Variants in DOCK4 observed in about 807,000 individuals in gnomAD.
The protein encoded by DOCK4 is dedicator of cytokinesis 4.
A neutral mutation model predicts 268.1 loss-of-function variants in DOCK4; 97 were observed. The observed-to-expected ratio is 0.36, with a 90% CI of 0.31 to 0.43. DOCK4 has a LOEUF of 0.43. DOCK4 is among the 20% of genes least tolerant of loss of function. The pLI, the probability that DOCK4 is intolerant of heterozygous loss-of-function variation, is 1.00. For synonymous variants in DOCK4, 954 were observed against 887.2 expected (o/e 1.08, Z -1.34); for missense variants, 2,145 against 2,455.7 (o/e 0.87, Z 2.67).
intron 1 of DOCK4, among the ~76,000 whole-genome samples, chr7:112,114,674 T>C (rs963081646): frequency 1.3e-5 from 2 of 152,218 alleles, no homozygotes; most frequent in African/African-American, 2.4e-5. Context: ...ATTAAAAAGA[T>C]GTGAACCCGA....
intron 8 of DOCK4, among the ~76,000 whole-genome samples, chr7:111,976,274 T>TATAC (rs1241625100): frequency 0.013 from 32 of 2,444 alleles, no homozygotes; most frequent in Non-Finnish European, 0.031. Flanking sequence ...GTCTATTATA[T>TATAC]ATATATATAT....
chr7:111,820,661 T>C (rs531763255), intron 27 of DOCK4: 5 of 152,334 alleles, frequency 3.3e-5, no homozygotes, highest in Middle Eastern at 3.4e-3. Flanking sequence ...GTTACAATTT[T>C]AGGCAAGCTT....
chr7:111,848,004 T>C (rs1221690997), intron 23 of DOCK4, among the ~76,000 whole-genome samples: 1 of 152,220 alleles, frequency 6.6e-6, no homozygotes, highest in Non-Finnish European at 1.5e-5. Context: ...TTTGGGAAAT[T>C]ATCCCTGGTA....
intron 36 of DOCK4, among the ~76,000 whole-genome samples, chr7:111,770,602 A>G (rs1002828808): frequency 6.6e-6 from 1 of 152,324 alleles, no homozygotes; most frequent in Middle Eastern, 3.4e-3. Flanking sequence ...ATATAGCCCA[A>G]TAGATCAAGA....
At chr7:111,873,727 A>G (rs1480205673) in intron 17 of DOCK4, among the ~76,000 whole-genome samples, 1 of 152,138 alleles carries the variant, frequency 6.6e-6, no homozygotes, top group Non-Finnish European at 1.5e-5. Flanking sequence ...GGAGAAAGAG[A>G]AGCAAGCTCC....
At chr7:111,936,531 C>CGGAT (rs1052443672) in intron 11 of DOCK4, among the ~76,000 whole-genome samples, 6 of 137,142 alleles carry the variant, frequency 4.4e-5, no homozygotes, top group Non-Finnish European at 7.8e-5. Flanking sequence ...GATGGATGGA[C>CGGAT]GGATGGATGG....
chr7:112,165,412 G>A (rs974753180), intron 1 of DOCK4, among the ~76,000 whole-genome samples: 1 of 151,894 alleles, frequency 6.6e-6, no homozygotes, highest in Non-Finnish European at 1.5e-5. Flanking sequence ...GAGAACATGC[G>A]GAATCTGTCT....
intron 27 of DOCK4, among the ~76,000 whole-genome samples, chr7:111,816,547 A>G (rs750730611): frequency 6.6e-6 from 1 of 152,218 alleles, no homozygotes; most frequent in Non-Finnish European, 1.5e-5. Flanking sequence ...AGGCCCAACC[A>G]GGTGATTCTG....
chr7:111,882,828 C>T (rs1197192080), intron 16 of DOCK4, among the ~76,000 whole-genome samples: 2 of 152,078 alleles, frequency 1.3e-5, no homozygotes, highest in African/African-American at 2.4e-5. Flanking sequence ...AGGCTGGTCT[C>T]GAACTCCTGA....
chr7:112,043,624 C>T (rs1804589537), intron 1 of DOCK4, among the ~76,000 whole-genome samples: 1 of 151,872 alleles, frequency 6.6e-6, no homozygotes, highest in Admixed American at 6.6e-5. Flanking sequence ...CACACTGTTC[C>T]AATAGAGCAG....
chr7:111,969,366 C>T (rs1194751735), intron 8 of DOCK4, among the ~76,000 whole-genome samples: 1 of 149,554 alleles, frequency 6.7e-6, no homozygotes, highest in Non-Finnish European at 1.5e-5. Context: ...TTCTGTGATT[C>T]CAGTTGCCAC....
At chr7:111,790,664 T>G in intron 30 of DOCK4, 59 bp from the exon 31 acceptor site, 3 of 1,462,970 alleles carry the variant, frequency 2.1e-6, no homozygotes, top group Non-Finnish European at 2.7e-6. Flanking sequence ...ATTTCAGAAA[T>G]TAATATCATA....
At chr7:112,181,821 G>A (rs1819073178) in intron 1 of DOCK4, among the ~76,000 whole-genome samples, 1 of 152,024 alleles carries the variant, frequency 6.6e-6, no homozygotes, top group Admixed American at 6.6e-5. Flanking sequence ...CAGAATAAAG[G>A]AAAATCGTTT....
intron 1 of DOCK4, among the ~76,000 whole-genome samples, chr7:112,127,752 TG>T (rs1304313926): frequency 1.3e-5 from 2 of 152,130 alleles, no homozygotes; most frequent in Non-Finnish European, 2.9e-5. Context: ...TAAGCTTGGC[TG>T]GGTGCGGCGG....
intron 11 of DOCK4, among the ~76,000 whole-genome samples, chr7:111,938,748 C>T (rs1794945275): frequency 6.6e-6 from 1 of 152,102 alleles, no homozygotes; most frequent in Admixed American, 6.5e-5. Flanking sequence ...AGCGTCTTTA[C>T]AGAGATAATC....
chr7:112,108,428 G>T (rs1262080760), intron 1 of DOCK4, among the ~76,000 whole-genome samples: 1 of 152,122 alleles, frequency 6.6e-6, no homozygotes, highest in African/African-American at 2.4e-5. Context: ...AAGCCAAGGA[G>T]ACACTCACTC....
chr7:112,070,550 C>T (rs1263701187), intron 1 of DOCK4, among the ~76,000 whole-genome samples: 1 of 151,912 alleles, frequency 6.6e-6, no homozygotes, highest in Non-Finnish European at 1.5e-5. Context: ...AACAAGCTGA[C>T]AGTATTTAAG....
chr7:111,788,760 C>T lies in DOCK4; in HGVS notation c.3316-13G>A, dbSNP rs1449679058. Reference sequence around the variant, plus strand: ...GCTTGGCTTCCACCTGAAACATACCCAACTATTATTCTCTTTCCTCCCCTT... The same window carrying T: ...GCTTGGCTTCCACCTGAAACATACCTAACTATTATTCTCTTTCCTCCCCTT... On this transcript the variant is annotated splice_polypyrimidine_tract_variant and intron_variant, in intron 31 of 52. Coordinates refer to ENST00000428084, the MANE Select transcript of DOCK4 (RefSeq NM_001363540.2). The T allele has an allele frequency of 6.4e-6, 10 of 1,571,610 alleles. No individual in the cohort carries two copies. Among genetic ancestry groups the T allele is most frequent in the Non-Finnish European group, 6.9e-6 (8 of 1,154,804 alleles).
At chr7:111,995,002 T>C (rs1023304265) in intron 4 of DOCK4, among the ~76,000 whole-genome samples, 68 of 151,396 alleles carry the variant, frequency 4.5e-4, no homozygotes, top group African/African-American at 1.5e-3. Flanking sequence ...AGAATATGCA[T>C]GAGGAGATGG....
Sources: allele counts gnomAD v4.1 joint callset (sites outside exome capture counted in the v4.1 genomes callset), GRCh38; gene constraint gnomAD v4.1.1; transcripts MANE v1.5; gene names NCBI Gene and HGNC (gene_info 2026-07-23, HGNC 2026-07-21).